Variants in EP400 observed in about 807,000 individuals in gnomAD.
EP400 encodes E1A-binding protein p400.
In EP400, 105 loss-of-function variants were observed where a neutral mutation model predicts 354.1. That is an observed-to-expected ratio of 0.30 (90% CI 0.25 to 0.35). The LOEUF (loss-of-function observed/expected upper bound fraction) is 0.35. EP400 is among the 10% of genes least tolerant of loss of function. The pLI is 1.00. For synonymous variants in EP400, 1,646 were observed against 1,716.9 expected, an observed-to-expected ratio of 0.96 and a Z score of 1.02; for missense variants, 3,280 against 4,121.0, an observed-to-expected ratio of 0.80 and a Z score of 5.59.
chr12:132,027,280 G>T lies in EP400; in HGVS notation c.5015-157G>T, dbSNP rs116409438. On this transcript the variant is annotated intron_variant, in intron 25 of 52. Coordinates refer to ENST00000389561, the MANE Select transcript of EP400 (RefSeq NM_015409.5). The surrounding 1 kb of genome is among the most constrained non-coding windows in gnomAD (Gnocchi z 4.9). ...TTGAGCCCATGCACATTCCAGGCAT[G>T]TGCTGGTGGAGGATGAGGACTTGGG... 6.6e-6 allele frequency among the ~76,000 whole-genome samples: 1 copy of T among 152,242 alleles called. No individual in the cohort carries two copies. The highest frequency in any genetic ancestry group is 1.5e-5 in the Non-Finnish European group (1 of 68,042).
At chr12:131,969,447 C>T (rs1298062215) in intron 2 of EP400, among the ~76,000 whole-genome samples, 1 of 152,146 alleles carries the variant, frequency 6.6e-6, no homozygotes, top group African/African-American at 2.4e-5. Flanking sequence ...CCTTGCCAGT[C>T]ATTTACTGCC....
intron 32 of EP400, among the ~76,000 whole-genome samples, chr12:132,042,764 G>A (rs1011314574): frequency 6.6e-6 from 1 of 152,168 alleles, no homozygotes; most frequent in African/African-American, 2.4e-5. Flanking sequence ...GTGGCATCTC[G>A]TCATTCTAAC....
intron 45 of EP400, among the ~76,000 whole-genome samples, chr12:132,056,013 G>A (rs1593378807): frequency 1.3e-5 from 2 of 151,916 alleles, no homozygotes; most frequent in African/African-American, 4.8e-5. Flanking sequence ...CAGTTTCTAC[G>A]GAACGTGGAG....
chr12:132,013,746 A>G lies in EP400; in HGVS notation c.3787-31A>G, dbSNP rs1893837140. 6.2e-7 allele frequency: 1 copy of G among 1,610,592 alleles called. No individual in the cohort carries two copies. The highest frequency in any genetic ancestry group is 1.7e-5 in the Admixed American group (1 of 59,304). On this transcript the variant is annotated intron_variant, in intron 18 of 52. Transcript: ENST00000389561. This position sits in a 1 kb window ranked among gnomAD's most constrained non-coding sequence, Gnocchi z 4.5. ...AAACGTGTTACAGCAGCATTTTTGG[A>G]AAGAAAACAGTAAACAGTTTTTATT...
At position 132,054,005 on chromosome 12, in the gene EP400, C is replaced by T. The variant is rs1027800710; in HGVS notation, c.7728+408C>T. 5.9e-5 allele frequency among the ~76,000 whole-genome samples: 9 copies of T among 152,202 alleles called. No homozygotes were observed. Among genetic ancestry groups the T allele is most frequent in the African/African-American group, 2.2e-4 (9 of 41,446 alleles). On this transcript the variant is annotated intron_variant, in intron 43 of 52. Coordinates refer to ENST00000389561, the MANE Select transcript of EP400 (RefSeq NM_015409.5). The surrounding 1 kb of genome is among the most constrained non-coding windows in gnomAD (Gnocchi z 4.0). Reference sequence around the variant, plus strand: ...CTCAAAGCATGCCCATGTGTGCTCCCCCACACAGGTCAGTCTTTAATGCCT... The same window carrying T: ...CTCAAAGCATGCCCATGTGTGCTCCTCCACACAGGTCAGTCTTTAATGCCT...
intron 23 of EP400, among the ~76,000 whole-genome samples, chr12:132,022,476 A>G (rs895018126): frequency 6.6e-6 from 1 of 152,172 alleles, no homozygotes; most frequent in Non-Finnish European, 1.5e-5. Flanking sequence ...TCATATCACT[A>G]ATAATTCTGG....
chr12:132,013,577 C>T lies in EP400; in HGVS notation c.3699C>T (p.Ile1233=), dbSNP rs1473557026. The change falls in exon 18 of 53, where the codon ATC becomes ATT. Residue 1233 remains isoleucine, a synonymous_variant. Coordinates refer to ENST00000389561, the MANE Select transcript of EP400 (RefSeq NM_015409.5). The surrounding 1 kb of genome is among the most constrained non-coding windows in gnomAD (Gnocchi z 4.5). ...WTMVHFLVPG[I]SRPYLSSPLR... ...TGGTGCACTTCCTGGTCCCAGGGAT[C>T]TCCAGGCCCTACCTGAGCTCCCCTC... 1 of 1,613,942 alleles carries T rather than the reference C, an allele frequency of 6.2e-7. No homozygotes were observed. The highest frequency in any genetic ancestry group is 1.3e-5 in the African/African-American group (1 of 75,048).
chr12:132,066,920 G>C lies in EP400; in HGVS notation c.8700G>C (p.Met2900Ile). Residue 2900 changes from methionine to isoleucine, a missense_variant, in exon 49 of 53, where the codon ATG becomes ATC. Coordinates refer to ENST00000389561, the MANE Select transcript of EP400 (RefSeq NM_015409.5). ...VSSPGVTTLP[M>I]NVAGISVAIG... ...CACCGGGAGTCACCACCCTGCCCATGAACGTCGCGGGGATCAGCGTGGCGA... is the reference window on the plus strand; with the variant it reads ...CACCGGGAGTCACCACCCTGCCCATCAACGTCGCGGGGATCAGCGTGGCGA... 6.2e-7 allele frequency: 1 copy of C among 1,609,996 alleles called. No individual in the cohort carries two copies. Among genetic ancestry groups the C allele is most frequent in the Non-Finnish European group, 8.5e-7 (1 of 1,178,446 alleles).
Position 131,960,895 on chromosome 12 carries a change from C to T in EP400, c.276C>T (p.Ala92=), listed in dbSNP as rs144881994. The stretch of plus-strand genomic sequence containing the variant: ...GGGGAAACCAGCAGATCACACTGGC[C>T]CCACTGCCGCTCCCCAGCCCCACCT... The part of the protein sequence containing the change: ...VVGGNQQITL[A]PLPLPSPTSP... The change falls in exon 2 of 53, where the codon GCC becomes GCT. Residue 92 remains alanine (A), a synonymous_variant. Transcript: ENST00000389561. 335 of 1,613,886 alleles carry T rather than the reference C, an allele frequency of 2.1e-4. No homozygotes were observed. Among genetic ancestry groups the T allele is most frequent in the Non-Finnish European group, 2.7e-4 (320 of 1,180,030 alleles).
Position 131,962,058 on chromosome 12 carries a change from G to A in EP400, c.1335+104G>A, listed in dbSNP as rs1891903544. ...TTTATTGAGCCTGCGGTATTTCTAA[G>A]GTATTTCTAAGGTGTTGGGGCAAGG... On this transcript the variant is annotated intron_variant, in intron 2 of 52. Transcript: ENST00000389561. 25 of 1,405,566 alleles carry A rather than the reference G, an allele frequency of 1.8e-5. No homozygotes were observed. In the South Asian group the frequency reaches 2.6e-4, roughly 15 times the overall value. The allele number at this position is 1,405,566 out of a possible 1,614,324, so 87.1% of individuals were successfully genotyped here. A position where few individuals can be genotyped will look rare whatever the true frequency, so the allele number is the denominator to read the frequency against.
rs374186236 is a variant in EP400 at position 132,076,603 on chromosome 12, A to G, written c.9099+10A>G. On this transcript the variant is annotated intron_variant, in intron 52 of 52. Coordinates refer to ENST00000389561, the MANE Select transcript of EP400 (RefSeq NM_015409.5). ...CTCTGCTTCCCAGCAGGTAGGACGC[A>G]TAGACAAAGTGGAAACCTCACATTT... The G allele has an allele frequency of 5.6e-5, 89 of 1,603,526 alleles. 1 individual carries two copies. The Middle Eastern group carries it at 1.2e-3, about 21-fold the overall frequency.
intron 46 of EP400, 60 bp downstream of exon 46, chr12:132,062,383 A>G (rs1466044739): frequency 6.2e-7 from 1 of 1,610,552 alleles, no homozygotes; most frequent in Non-Finnish European, 8.5e-7. Flanking sequence ...GTGAGGGCTC[A>G]GCTGCTGCTT....
rs201481846 is a variant in EP400, at chr12:132,050,592, A to G, written c.7338-7A>G. On this transcript the variant is annotated splice_region_variant and splice_polypyrimidine_tract_variant and intron_variant, in intron 40 of 52. Coordinates refer to ENST00000389561, the MANE Select transcript of EP400 (RefSeq NM_015409.5). The surrounding 1 kb of genome is among the most constrained non-coding windows in gnomAD (Gnocchi z 4.8). ...TAATAATTGCTGTCTCACTGTCTAT[A>G]CTTCAGGCTTGGCATGAATCCCTTT... is the stretch of plus-strand genomic sequence containing the variant. 6.2e-7 allele frequency: 1 copy of G among 1,614,150 alleles called. No homozygotes were observed. The highest frequency in any genetic ancestry group is 2.2e-5 in the East Asian group (1 of 44,870).
chr12:132,068,384 A>T (rs1895965488), intron 50 of EP400: 1 of 152,342 alleles, frequency 6.6e-6, no homozygotes, highest in Admixed American at 6.5e-5. Context: ...ACTTGCCCAG[A>T]TCACAGGGCC....
intron 24 of EP400, 64 bp downstream of exon 24, chr12:132,024,005 G>A: frequency 6.9e-7 from 1 of 1,457,234 alleles, no homozygotes; most frequent in Non-Finnish European, 9.1e-7. Context: ...CATGAGCCCT[G>A]CTGCCCACGG....
At chr12:132,002,438 T>C (rs1295873064) in intron 12 of EP400, among the ~76,000 whole-genome samples, 1 of 150,836 alleles carries the variant, frequency 6.6e-6, no homozygotes, top group Non-Finnish European at 1.5e-5. Context: ...TTACTAGATA[T>C]CCTATTAAAT....
chr12:132,078,654 ACAGT>A lies in EP400; in HGVS notation c.*985_*988del, dbSNP rs1427850974. On this transcript the variant is annotated 3_prime_UTR_variant, in exon 53 of 53. Coordinates refer to ENST00000389561, the MANE Select transcript of EP400 (RefSeq NM_015409.5). ...AATGTGACAGACACCCCTTGCTGCCACAGTCAGCCCTTTGACGAAGGTGGGCTGG... is the reference window on the plus strand; with the variant it reads ...AATGTGACAGACACCCCTTGCTGCCACAGCCCTTTGACGAAGGTGGGCTGG... 1.3e-5 allele frequency: 2 copies of A among 152,312 alleles called. No homozygotes were observed. The highest frequency in any genetic ancestry group is 2.4e-5 in the African/African-American group (1 of 41,482). The allele number at this position is 152,312 out of a possible 1,614,324, so 9.4% of individuals were successfully genotyped here.
rs1000503803 is a variant in EP400 at position 132,062,718 on chromosome 12, G to A, written c.8334+17G>A. 3 of 1,611,870 alleles carry A rather than the reference G, an allele frequency of 1.9e-6. No individual in the cohort carries two copies. In the African/African-American group the frequency reaches 4.0e-5, roughly 22 times the overall value. ...CTGACGCCGGTGAGCATTTCCCAGA[G>A]GACCATGAACGTGTGCGTCTTGCGG... On this transcript the variant is annotated intron_variant, in intron 47 of 52. Transcript: ENST00000389561.
chr12:131,991,304 C>A (rs897938709), intron 9 of EP400, 103 bp from the exon 10 acceptor site: 7 of 1,111,058 alleles, frequency 6.3e-6, no homozygotes, highest in Non-Finnish European at 9.6e-6. Flanking sequence ...TCCTTCCTTT[C>A]CCTGCACGTG....
Sources: allele counts gnomAD v4.1 joint callset (sites outside exome capture counted in the v4.1 genomes callset), GRCh38; gene constraint gnomAD v4.1.1; non-coding constraint Gnocchi (gnomAD v3.1); transcripts MANE v1.5; gene names NCBI Gene and HGNC (gene_info 2026-07-23, HGNC 2026-07-21).